Variants in ZPLD1 observed in about 807,000 individuals in gnomAD.
ZPLD1 encodes the protein zona pellucida like domain containing 1.
ZPLD1 carries 34 observed loss-of-function variants against 47.2 expected under a neutral mutation model. That is an observed-to-expected ratio of 0.72 (90% CI 0.55 to 0.96). The LOEUF (loss-of-function observed/expected upper bound fraction) is 0.96, where lower values mean the gene tolerates loss of function less well. Ranked by LOEUF, ZPLD1 falls within the 40% of genes least tolerant of loss-of-function variation. The pLI is 0.00. For missense variants in ZPLD1, 512 were observed against 505.8 expected, an observed-to-expected ratio of 1.01 and a Z score of -0.12; for synonymous variants, 176 against 186.2, an observed-to-expected ratio of 0.95 and a Z score of 0.45.
intron 7 of ZPLD1, among the ~76,000 whole-genome samples, chr3:102,406,682 C>T (rs2107295723): frequency 6.6e-6 from 1 of 151,916 alleles, no homozygotes; most frequent in African/African-American, 2.4e-5. Flanking sequence ...TTTAAAAATA[C>T]CTGCTACATT....
In ZPLD1 at chr3:102,435,071, T is replaced by C; in HGVS notation, c.-206T>C. ...TACAATTCAATTTCAGAAAAGTATT[T>C]AGGGACTGTGCTAAAATAGCATCTC... On this transcript the variant is annotated 5_prime_UTR_variant, in exon 1 of 12. Transcript: ENST00000466937. 2 of 1,610,690 alleles carry C rather than the reference T, an allele frequency of 1.2e-6. No individual in the cohort carries two copies. The highest frequency in any genetic ancestry group is 1.7e-6 in the Non-Finnish European group (2 of 1,176,948).
chr3:102,458,773 C>A (rs111465705), intron 6 of ZPLD1, among the ~76,000 whole-genome samples: 4,385 of 152,160 alleles, frequency 0.029, 90 homozygotes, highest in South Asian at 0.046. Flanking sequence ...GCCTTTCTGT[C>A]GTTTCTAAAC....
At chr3:102,413,858 A>C (rs1027314948) in intron 7 of ZPLD1, among the ~76,000 whole-genome samples, 1 of 151,900 alleles carries the variant, frequency 6.6e-6, no homozygotes, top group Non-Finnish European at 1.5e-5. Flanking sequence ...GGTGATTTCA[A>C]TATAAAATTC....
intron 3 of ZPLD1, among the ~76,000 whole-genome samples, chr3:102,446,461 C>A (rs76875693): frequency 0.011 from 1,622 of 152,174 alleles, 29 homozygotes; most frequent in African/African-American, 0.038. Context: ...ATTTGTATTT[C>A]TTGTTTTCTG....
intron 7 of ZPLD1, among the ~76,000 whole-genome samples, chr3:102,400,901 G>A (rs910251753): frequency 2.0e-5 from 3 of 152,060 alleles, no homozygotes; most frequent in South Asian, 2.1e-4. Flanking sequence ...TATTCAGCAT[G>A]AGGCTACTAA....
chr3:102,429,569 T>C (rs1706991596), intron 8 of ZPLD1, among the ~76,000 whole-genome samples: 1 of 152,208 alleles, frequency 6.6e-6, no homozygotes, highest in South Asian at 2.1e-4. Flanking sequence ...AATATATTTT[T>C]TATGAATTGA....
At chr3:102,468,844 C>T in intron 8 of ZPLD1, 120 bp from the exon 9 acceptor site, 1 of 880,082 alleles carries the variant, frequency 1.1e-6, no homozygotes. Flanking sequence ...TGTAACGTGG[C>T]ATGGTTCTGT....
At chr3:102,406,988 T>C (rs1227877085) in intron 7 of ZPLD1, among the ~76,000 whole-genome samples, 1 of 151,900 alleles carries the variant, frequency 6.6e-6, no homozygotes, top group Non-Finnish European at 1.5e-5. Flanking sequence ...TGTGATTACA[T>C]ATCCAAGTGG....
intron 9 of ZPLD1, among the ~76,000 whole-genome samples, chr3:102,470,017 C>G (rs1041225422): frequency 6.6e-6 from 1 of 152,078 alleles, no homozygotes; most frequent in Non-Finnish European, 1.5e-5. Flanking sequence ...TAAGCTATGA[C>G]AGATGGGGGT....
chr3:102,405,763 T>C (rs1706674280), intron 7 of ZPLD1, among the ~76,000 whole-genome samples: 2 of 152,022 alleles, frequency 1.3e-5, no homozygotes. Flanking sequence ...TTATTCTTCT[T>C]TGTCCTGTTC....
At chr3:102,464,580 C>A (rs1707564236) in intron 8 of ZPLD1, among the ~76,000 whole-genome samples, 2 of 152,070 alleles carry the variant, frequency 1.3e-5, no homozygotes, top group Admixed American at 1.3e-4. Context: ...AAAAGAAATG[C>A]AATAGAGGTT....
At chr3:102,414,397 A>C (rs1030475843) in intron 7 of ZPLD1, among the ~76,000 whole-genome samples, 2 of 151,884 alleles carry the variant, frequency 1.3e-5, no homozygotes, top group African/African-American at 4.8e-5. Flanking sequence ...CCACAATTTC[A>C]GTGCTTTTAT....
chr3:102,402,954 C>G (rs1706638950), intron 7 of ZPLD1, among the ~76,000 whole-genome samples: 1 of 151,864 alleles, frequency 6.6e-6, no homozygotes, highest in Non-Finnish European at 1.5e-5. Context: ...AACAAAATAG[C>G]ATAATGTACC....
rs977919560 is a variant in ZPLD1 at position 102,412,884 on chromosome 3, T to C, written c.-156-5176T>C. Among the ~76,000 whole-genome samples the C allele has an allele frequency of 2.6e-5, 4 of 151,636 alleles. No individual in the cohort carries two copies. In the Admixed American group the frequency reaches 2.6e-4, roughly 10 times the overall value. ...GAGAGGGAGAGACACTATAAGACTA[T>C]GTACATGAATGGTTAGAAGAGATTC... On this transcript the variant is annotated intron_variant, in intron 7 of 17. Coordinates refer to the ZPLD1 transcript ENST00000491959.
chr3:102,390,623 G>A (rs1034671594), intron 6 of ZPLD1, among the ~76,000 whole-genome samples: 5 of 152,202 alleles, frequency 3.3e-5, no homozygotes, highest in East Asian at 1.9e-4. Context: ...ATCAAAGCTC[G>A]ACAAACATGA....
intron 7 of ZPLD1, among the ~76,000 whole-genome samples, chr3:102,402,341 C>A (rs528245029): frequency 6.6e-6 from 1 of 152,114 alleles, no homozygotes; most frequent in East Asian, 1.9e-4. Flanking sequence ...ATAATAATTT[C>A]AAGATATCTG....
At chr3:102,444,861 A>G (rs991756935) in intron 3 of ZPLD1, among the ~76,000 whole-genome samples, 7 of 152,044 alleles carry the variant, frequency 4.6e-5, no homozygotes, top group Non-Finnish European at 1.0e-4. Flanking sequence ...TACTAATGTG[A>G]TGATATTCAC....
At chr3:102,444,686 C>T (rs890177155) in intron 3 of ZPLD1, among the ~76,000 whole-genome samples, 4 of 152,090 alleles carry the variant, frequency 2.6e-5, no homozygotes, top group African/African-American at 9.7e-5. Context: ...GAATATTTAT[C>T]GGAGCCCAGG....
chr3:102,423,382 T>G (rs1040719703), intron 8 of ZPLD1, among the ~76,000 whole-genome samples: 2 of 152,122 alleles, frequency 1.3e-5, no homozygotes, highest in African/African-American at 4.8e-5. Flanking sequence ...CTCAAAAGCT[T>G]ATTAGAATCA....
Sources: gnomAD v4.1 joint callset for allele counts (sites outside exome capture counted in the v4.1 genomes callset) on GRCh38, gnomAD v4.1.1 for gene constraint, MANE v1.5 for transcripts, NCBI Gene and HGNC (gene_info 2026-07-23, HGNC 2026-07-21) for gene names.